Variants in CEP63 observed in about 807,000 individuals in gnomAD.
The protein encoded by CEP63 is centrosomal protein of 63 kDa.
Under a neutral mutation model 89.1 loss-of-function variants are expected in CEP63, and 84 were observed. The ratio of observed to expected loss-of-function variants is 0.94; its 90% confidence interval spans 0.79 to 1.13. CEP63 has a LOEUF of 1.13. Among genes scored for constraint, CEP63 ranks in the 50% most tolerant of loss-of-function variants. CEP63 has a pLI of 0.00. For missense variants in CEP63, 838 were observed against 813.3 expected, an observed-to-expected ratio of 1.03 and a Z score of -0.37; for synonymous variants, 267 against 272.5, an observed-to-expected ratio of 0.98 and a Z score of 0.20.
At chr3:134,612,345 C>G in the CEP63 span, among the ~76,000 whole-genome samples, 1 of 152,116 alleles carries the variant, frequency 6.6e-6, no homozygotes, top group African/African-American at 2.4e-5. Flanking sequence ...CAGAAGGAGG[C>G]AGTAGCTGAG....
the CEP63 span, among the ~76,000 whole-genome samples, chr3:134,596,207 A>G: frequency 6.6e-6 from 1 of 152,324 alleles, no homozygotes; most frequent in Admixed American, 6.5e-5. Flanking sequence ...ATCTAGATAA[A>G]GGAAAGAAAA....
chr3:134,565,455 T>C (rs947011689), downstream of CEP63, among the ~76,000 whole-genome samples: 1 of 152,138 alleles, frequency 6.6e-6, no homozygotes, highest in Non-Finnish European at 1.5e-5. Flanking sequence ...AAGTTGCAGA[T>C]AAGAAAGATA....
intron 1 of CEP63, 84 bp downstream of exon 1, chr3:134,486,286 G>A (rs1267328850): frequency 8.1e-6 from 8 of 985,598 alleles, no homozygotes; most frequent in Non-Finnish European, 9.6e-6. Context: ...GGGCTGCCGT[G>A]TCCTGGTCTG....
chr3:134,544,647 A>T (rs868096442), intron 6 of CEP63, among the ~76,000 whole-genome samples: 2 of 141,336 alleles, frequency 1.4e-5, no homozygotes, highest in Non-Finnish European at 3.1e-5. Flanking sequence ...GGGGGGGGGA[A>T]TTTAAACTAC....
the CEP63 span, among the ~76,000 whole-genome samples, chr3:134,705,658 A>G: frequency 6.6e-6 from 1 of 152,128 alleles, no homozygotes; most frequent in Non-Finnish European, 1.5e-5. Context: ...TGAGTACCTG[A>G]CCAGACTCCA....
At chr3:134,515,263 G>A (rs1445363441) in intron 3 of CEP63, among the ~76,000 whole-genome samples, 1 of 152,100 alleles carries the variant, frequency 6.6e-6, no homozygotes, top group East Asian at 1.9e-4. Context: ...AGGCAAAAAA[G>A]AAGAGAAAAA....
Position 134,523,613 on chromosome 3 carries a change from C to T in CEP63, c.223-8232C>T, listed in dbSNP as rs1272989288. 5.3e-5 allele frequency among the ~76,000 whole-genome samples: 8 copies of T among 152,144 alleles called. No individual in the cohort carries two copies. The South Asian group carries it at 8.3e-4, about 16-fold the overall frequency. ...GTTGCAATCTTCTGCATGTGGCTAG[C>T]CAGTTATCCCAGCACCGTTTATTGA... On this transcript the variant is annotated intron_variant, in intron 3 of 14. Transcript: ENST00000675561.
the CEP63 span, chr3:134,607,400 C>T: frequency 1.0e-6 from 1 of 985,596 alleles, no homozygotes. Flanking sequence ...GGTTGGAGCT[C>T]CCCAGGGGCT....
downstream of CEP63, among the ~76,000 whole-genome samples, chr3:134,568,737 G>C (rs1560070852): frequency 6.6e-6 from 1 of 152,176 alleles, no homozygotes; most frequent in Non-Finnish European, 1.5e-5. Context: ...ACAACACCAA[G>C]CAATTCCAGA....
the CEP63 span, among the ~76,000 whole-genome samples, chr3:134,653,294 G>A: frequency 1.3e-5 from 2 of 152,220 alleles, no homozygotes; most frequent in Non-Finnish European, 2.9e-5. Context: ...AACTTAGAAT[G>A]TCTCCAGACA....
At chr3:134,747,446 A>G in the CEP63 span, among the ~76,000 whole-genome samples, 2 of 152,212 alleles carry the variant, frequency 1.3e-5, no homozygotes, top group Admixed American at 1.3e-4. Flanking sequence ...AGAAAAGCAC[A>G]TTAGAGGCCA....
chr3:134,660,408 T>C, the CEP63 span, among the ~76,000 whole-genome samples: 5 of 152,176 alleles, frequency 3.3e-5, no homozygotes, highest in Admixed American at 2.0e-4. Context: ...CCTGAGTTCA[T>C]AGATGAGGAA....
chr3:134,728,736 T>C, the CEP63 span, among the ~76,000 whole-genome samples: 1 of 152,192 alleles, frequency 6.6e-6, no homozygotes, highest in African/African-American at 2.4e-5. Flanking sequence ...TTTTATATGA[T>C]GCCTTATGTA....
chr3:134,617,104 T>G, the CEP63 span, among the ~76,000 whole-genome samples: 6 of 152,168 alleles, frequency 3.9e-5, no homozygotes, highest in African/African-American at 1.4e-4. Flanking sequence ...GCGATACCAC[T>G]CTAAGTGGTA....
chr3:134,745,883 A>G, the CEP63 span, among the ~76,000 whole-genome samples: 2 of 150,404 alleles, frequency 1.3e-5, no homozygotes, highest in African/African-American at 4.9e-5. Flanking sequence ...ATGGCTGCAT[A>G]GTATTCCATG....
chr3:134,621,420 A>G, the CEP63 span, among the ~76,000 whole-genome samples: 2 of 152,228 alleles, frequency 1.3e-5, no homozygotes, highest in African/African-American at 4.8e-5. Flanking sequence ...CCACATATCT[A>G]CGGTTAGTGG....
the CEP63 span, among the ~76,000 whole-genome samples, chr3:134,596,288 G>A: frequency 6.6e-6 from 1 of 152,148 alleles, no homozygotes; most frequent in African/African-American, 2.4e-5. Context: ...AGGCAGGGTG[G>A]CCATCCTTCT....
intron 11 of CEP63, among the ~76,000 whole-genome samples, chr3:134,573,913 C>T (rs1289464413): frequency 6.7e-6 from 1 of 149,670 alleles, no homozygotes; most frequent in Non-Finnish European, 1.5e-5. Flanking sequence ...GTTTTGGAAG[C>T]CCTCAGCATT....
the CEP63 span, among the ~76,000 whole-genome samples, chr3:134,691,860 C>T: frequency 6.6e-6 from 1 of 152,034 alleles, no homozygotes; most frequent in Admixed American, 6.6e-5. Flanking sequence ...CCTGGAATTA[C>T]AGTCATGTGC....
Sources: allele counts gnomAD v4.1 joint callset (sites outside exome capture counted in the v4.1 genomes callset), GRCh38; gene constraint gnomAD v4.1.1; transcripts MANE v1.5; gene names NCBI Gene and HGNC (gene_info 2026-07-23, HGNC 2026-07-21).